Variants in CCDC152 observed in about 807,000 individuals in gnomAD.
CCDC152 encodes coiled-coil domain-containing protein 152.
In CCDC152, 37 loss-of-function variants were observed where a neutral mutation model predicts 38.1. The observed-to-expected ratio is 0.97, with a 90% CI of 0.75 to 1.28. The LOEUF (loss-of-function observed/expected upper bound fraction) is 1.28, where lower values mean the gene tolerates loss of function less well. Among genes scored for constraint, CCDC152 ranks in the 50% most tolerant of loss-of-function variants. CCDC152 has a pLI of 0.00. For synonymous variants in CCDC152, 83 were observed against 87.1 expected (o/e 0.95, Z 0.26); for missense variants, 259 against 292.1 (o/e 0.89, Z 0.83).
chr5:42,791,021 G>C (rs1305291877), intron 6 of CCDC152, among the ~76,000 whole-genome samples: 1 of 152,130 alleles, frequency 6.6e-6, no homozygotes, highest in Non-Finnish European at 1.5e-5. Context: ...TCTTCCTAAA[G>C]GGATACTAGA....
Position 42,796,954 on chromosome 5 carries a change from G to A in CCDC152, c.556G>A (p.Glu186Lys), listed in dbSNP as rs963751000. The A allele has an allele frequency of 2.0e-6, 3 of 1,516,216 alleles. No individual in the cohort carries two copies. The highest frequency in any genetic ancestry group is 2.4e-5 in the Admixed American group (1 of 41,256). The allele number at this position is 1,516,216 out of a possible 1,614,324, so 93.9% of individuals were successfully genotyped here. A position where few individuals can be genotyped will look rare whatever the true frequency, so the allele number is the denominator to read the frequency against. Residue 186 changes from glutamate to lysine, a missense_variant and splice_region_variant, in exon 7 of 9, where the codon GAA (glutamate) becomes AAA (lysine). Physicochemically the swap from Glu to Lys is moderately conservative, Grantham distance 56. Transcript: ENST00000361970. ...AAATGAAATAATCAAGCTACAACTA[G>A]AAGTAAGTGTTTAAGAGTCTGCTAA... ...KQNEIIKLQLEFDAKLARVQT... is the reference protein window; with the variant it reads ...KQNEIIKLQLKFDAKLARVQT...
Position 42,800,467 on chromosome 5 carries a change from C to T in CCDC152, c.*686C>T, listed in dbSNP as rs547100076. 1.5e-5 allele frequency: 6 copies of T among 391,770 alleles called. No individual in the cohort carries two copies. The South Asian group carries it at 2.8e-4, about 18-fold the overall frequency. The allele number at this position is 391,770 out of a possible 1,614,324, so 24.3% of individuals were successfully genotyped here. On this transcript the variant is annotated 3_prime_UTR_variant, in exon 9 of 9. Coordinates refer to ENST00000361970, the MANE Select transcript of CCDC152 (RefSeq NM_001134848.2). Reference sequence around the variant, plus strand: ...TATTCTCATTAAAGCAAATAGAACACTGGAAAAAGAAAAAAAAAGACATAT... The same window carrying T: ...TATTCTCATTAAAGCAAATAGAACATTGGAAAAAGAAAAAAAAAGACATAT...
Position 42,781,553 on chromosome 5 carries a change from G to GCACA in CCDC152, c.328-1920_328-1919insACAC, listed in dbSNP as rs1236901158. ...TCCTCACTGAGAAAAATGCGCGCGC[G>GCACA]CGCACACACACACACACACACACAC... is the stretch of plus-strand genomic sequence containing the variant. On this transcript the variant is annotated intron_variant, in intron 5 of 8. Coordinates refer to ENST00000361970, the MANE Select transcript of CCDC152 (RefSeq NM_001134848.2). Among the ~76,000 whole-genome samples the GCACA allele has an allele frequency of 6.6e-3, 826 of 125,824 alleles. 27 individuals are homozygous for GCACA. In the East Asian group the frequency reaches 0.11, roughly 17 times the overall value. 82.5% of individuals were successfully genotyped at this position (125,824 alleles called of 152,430 possible).
intron 6 of CCDC152, among the ~76,000 whole-genome samples, chr5:42,795,983 C>T (rs917487525): frequency 6.7e-6 from 1 of 150,294 alleles, no homozygotes; most frequent in African/African-American, 2.5e-5. Flanking sequence ...AGTAAACTAT[C>T]GCAAGGACAA....
At chr5:42,779,555 C>A (rs1174727366) in intron 5 of CCDC152, 33 bp downstream of exon 5, 3 of 1,163,136 alleles carry the variant, frequency 2.6e-6, no homozygotes, top group Non-Finnish European at 3.7e-6. Context: ...TCAGTCAAGT[C>A]CCTGTGGAGA....
chr5:42,781,436 T>A (rs766401950), intron 5 of CCDC152, among the ~76,000 whole-genome samples: 1 of 152,096 alleles, frequency 6.6e-6, no homozygotes, highest in Non-Finnish European at 1.5e-5. Flanking sequence ...TATGCCAATT[T>A]TTAATTGTGG....
chr5:42,799,035 CCT>C (rs1490304709), intron 7 of CCDC152, among the ~76,000 whole-genome samples: 1 of 151,850 alleles, frequency 6.6e-6, no homozygotes, highest in African/African-American at 2.4e-5. Context: ...GATTCTAAAC[CCT>C]GTCTGCACTA....
At chr5:42,761,954 A>G (rs953752450) in intron 2 of CCDC152, among the ~76,000 whole-genome samples, 1 of 152,324 alleles carries the variant, frequency 6.6e-6, no homozygotes, top group Admixed American at 6.5e-5. Flanking sequence ...ATATTGCTCA[A>G]TGACAAGGAT....
At position 42,800,645 on chromosome 5, in the gene CCDC152, T is replaced by G; in HGVS notation, c.*864T>G. 2.0e-6 allele frequency: 3 copies of G among 1,476,680 alleles called. No homozygotes were observed. Among genetic ancestry groups the G allele is most frequent in the Non-Finnish European group, 2.7e-6 (3 of 1,102,014 alleles). 91.5% of individuals were successfully genotyped at this position (1,476,680 alleles called of 1,614,324 possible). On this transcript the variant is annotated 3_prime_UTR_variant, in exon 9 of 9. Coordinates refer to ENST00000361970, the MANE Select transcript of CCDC152 (RefSeq NM_001134848.2). Reference sequence around the variant, plus strand: ...CTAATTTCTATTTTTGGTTCACTAATTTGGTAGTTTATAAAAATGCTGGAA... The same window carrying G: ...CTAATTTCTATTTTTGGTTCACTAAGTTGGTAGTTTATAAAAATGCTGGAA...
intron 4 of CCDC152, among the ~76,000 whole-genome samples, chr5:42,772,769 G>A (rs926215378): frequency 2.7e-4 from 41 of 152,296 alleles, no homozygotes; most frequent in Non-Finnish European, 3.2e-4. Context: ...ATTGAGCAAG[G>A]TAATAGATAA....
chr5:42,796,990 A>G, intron 7 of CCDC152, 34 bp downstream of exon 7: 1 of 1,417,770 alleles, frequency 7.1e-7, no homozygotes, highest in Non-Finnish European at 9.5e-7. Flanking sequence ...ACTTGAGGAC[A>G]CATCCCTTAG....
At chr5:42,764,204 G>C (rs568541850) in intron 3 of CCDC152, among the ~76,000 whole-genome samples, 74 of 152,238 alleles carry the variant, frequency 4.9e-4, no homozygotes, top group African/African-American at 1.7e-3. Context: ...GAGGTCAGGA[G>C]TTCAAGACCA....
rs1760214904 is a variant in CCDC152, at chr5:42,801,936, A to T, written c.*2155A>T. The T allele has an allele frequency of 6.6e-6, 1 of 152,288 alleles. No homozygotes were observed. The highest frequency in any genetic ancestry group is 1.5e-5 in the Non-Finnish European group (1 of 68,132). The allele number at this position is 152,288 out of a possible 1,614,324, so 9.4% of individuals were successfully genotyped here. A position where few individuals can be genotyped will look rare whatever the true frequency, so the allele number is the denominator to read the frequency against. On this transcript the variant is annotated 3_prime_UTR_variant, in exon 9 of 9. Transcript: ENST00000361970. ...TATCTCAAAAAAATAAAAAATAAAT[A>T]AAAAATCAGTTGAACTATATGGAAA...
chr5:42,792,307 G>A (rs1251454195), intron 6 of CCDC152, among the ~76,000 whole-genome samples: 3 of 152,102 alleles, frequency 2.0e-5, no homozygotes, highest in Admixed American at 2.0e-4. Context: ...CCAGAGGTAA[G>A]AACATGTTTG....
chr5:42,764,364 T>A (rs151145330), intron 3 of CCDC152, among the ~76,000 whole-genome samples: 2,980 of 152,196 alleles, frequency 0.02, 36 homozygotes, highest in Middle Eastern at 0.061. Flanking sequence ...ATAATACCAA[T>A]CCTACTCAAA....
intron 8 of CCDC152, 40 bp downstream of exon 8, chr5:42,799,498 AC>A: frequency 2.3e-6 from 3 of 1,320,788 alleles, no homozygotes; most frequent in Non-Finnish European, 3.1e-6. Flanking sequence ...GCTTAAGAAA[AC>A]TTTCTAAGCA....
chr5:42,779,550 CA>C, intron 5 of CCDC152, 28 bp downstream of exon 5: 1 of 1,214,664 alleles, frequency 8.2e-7, no homozygotes, highest in Non-Finnish European at 1.2e-6. Flanking sequence ...TCTATTCAGT[CA>C]AGTCCCTGTG....
At chr5:42,796,029 G>T (rs911000504) in intron 6 of CCDC152, among the ~76,000 whole-genome samples, 19 of 150,116 alleles carry the variant, frequency 1.3e-4, no homozygotes, top group African/African-American at 4.4e-4. Context: ...TCATAGGTGG[G>T]AATTGAACAA....
rs2910857 is a variant in CCDC152, at chr5:42,780,308, G to A, written c.327+786G>A. Among the ~76,000 whole-genome samples, 316 of 152,226 alleles carry A rather than the reference G, an allele frequency of 2.1e-3. 2 individuals carry two copies. Among genetic ancestry groups the A allele is most frequent in the African/African-American group, 7.2e-3 (299 of 41,548 alleles). On this transcript the variant is annotated intron_variant, in intron 5 of 8. Transcript: ENST00000361970. ...CAGAACTTCTGGTTAATCCTGTACA[G>A]TAATAAGTAGCATTCTGGCTATGCT...
Sources: allele counts gnomAD v4.1 joint callset (sites outside exome capture counted in the v4.1 genomes callset), GRCh38; gene constraint gnomAD v4.1.1; transcripts MANE v1.5; gene names NCBI Gene and HGNC (gene_info 2026-07-23, HGNC 2026-07-21).